PTPRR: variants seen among roughly 807,000 people sequenced by gnomAD.
PTPRR encodes receptor-type tyrosine-protein phosphatase R.
A neutral mutation model predicts 77.2 loss-of-function variants in PTPRR; 38 were observed. The observed-to-expected ratio is 0.49, with a 90% CI of 0.38 to 0.65. The LOEUF (loss-of-function observed/expected upper bound fraction) is 0.65. Ranked by LOEUF, PTPRR falls within the 30% of genes least tolerant of loss-of-function variation. PTPRR has a pLI of 0.00. For synonymous variants in PTPRR, 299 were observed against 283.1 expected (o/e 1.06, Z -0.57); for missense variants, 744 against 799.2 (o/e 0.93, Z 0.83).
intron 13 of PTPRR, among the ~76,000 whole-genome samples, chr12:70,645,862 A>C (rs993893154): frequency 1.3e-5 from 2 of 151,960 alleles, no homozygotes; most frequent in African/African-American, 4.8e-5. Context: ...TGCTACTGGG[A>C]GGGTGTTTTG....
At chr12:70,870,536 C>T (rs1892941453) in intron 2 of PTPRR, among the ~76,000 whole-genome samples, 1 of 152,228 alleles carries the variant, frequency 6.6e-6, no homozygotes, top group South Asian at 2.1e-4. Flanking sequence ...CTTTACATCT[C>T]ATTTCAATGT....
chr12:70,747,204 G>A lies in PTPRR; in HGVS notation c.739-1118C>T, dbSNP rs1484095440. 3.3e-5 allele frequency among the ~76,000 whole-genome samples: 5 copies of A among 152,028 alleles called. No individual in the cohort carries two copies. The South Asian group carries it at 6.2e-4, about 19-fold the overall frequency. Reference sequence around the variant, plus strand: ...TCTCTTCAGTTTCCATGACCTTCACGGTGTAAAAACAAAACCTGCACTAGA... The same window carrying A: ...TCTCTTCAGTTTCCATGACCTTCACAGTGTAAAAACAAAACCTGCACTAGA... On this transcript the variant is annotated intron_variant, in intron 5 of 13. Transcript: ENST00000283228.
chr12:70,711,817 T>TA (rs1888838803), intron 6 of PTPRR, among the ~76,000 whole-genome samples: 1 of 152,156 alleles, frequency 6.6e-6, no homozygotes, highest in African/African-American at 2.4e-5. Context: ...AAAAAGCAGA[T>TA]ATCTTAAGTC....
intron 2 of PTPRR, among the ~76,000 whole-genome samples, chr12:70,784,586 A>G (rs915902207): frequency 3.0e-4 from 46 of 151,840 alleles, no homozygotes; most frequent in African/African-American, 1.1e-3. Flanking sequence ...TCCTCCCAGT[A>G]CCCTCCCTGC....
intron 10 of PTPRR, among the ~76,000 whole-genome samples, chr12:70,677,226 A>T (rs1464452953): frequency 6.6e-6 from 1 of 152,176 alleles, no homozygotes; most frequent in Admixed American, 6.5e-5. Context: ...CTAGCTCACC[A>T]TTAGCATATA....
chr12:70,671,514 A>G (rs1887222831), intron 10 of PTPRR, among the ~76,000 whole-genome samples: 1 of 152,150 alleles, frequency 6.6e-6, no homozygotes, highest in South Asian at 2.1e-4. Context: ...CATTTCTCCA[A>G]TTTCTGAATT....
At chr12:70,682,289 C>T (rs951046874) in intron 10 of PTPRR, among the ~76,000 whole-genome samples, 50 of 151,498 alleles carry the variant, frequency 3.3e-4, no homozygotes, top group African/African-American at 1.1e-3. Context: ...GTGATCCGCC[C>T]GCCTCGGCCT....
At chr12:70,640,783 A>G (rs565632721) in intron 13 of PTPRR, among the ~76,000 whole-genome samples, 1 of 152,332 alleles carries the variant, frequency 6.6e-6, no homozygotes, top group African/African-American at 2.4e-5. Flanking sequence ...TTCTATGTTT[A>G]TTTGTCAATC....
At chr12:70,753,498 A>G (rs1890468389) in intron 5 of PTPRR, among the ~76,000 whole-genome samples, 1 of 152,202 alleles carries the variant, frequency 6.6e-6, no homozygotes, top group Non-Finnish European at 1.5e-5. Context: ...ATTCTACCCT[A>G]AAGATACCGT....
chr12:70,740,830 C>T (rs1469163851), intron 6 of PTPRR, among the ~76,000 whole-genome samples: 1 of 152,020 alleles, frequency 6.6e-6, no homozygotes, highest in Admixed American at 6.6e-5. Flanking sequence ...AGATTATTAC[C>T]TCACTCCAGG....
chr12:70,807,002 C>T (rs1891721928), intron 2 of PTPRR, among the ~76,000 whole-genome samples: 1 of 152,174 alleles, frequency 6.6e-6, no homozygotes, highest in Admixed American at 6.5e-5. Flanking sequence ...GGTGTGGTCA[C>T]ATAGCACAGT....
intron 1 of PTPRR, among the ~76,000 whole-genome samples, chr12:70,917,690 C>G (rs1221528986): frequency 1.3e-5 from 2 of 152,218 alleles, no homozygotes; most frequent in African/African-American, 2.4e-5. Flanking sequence ...CTTTTTCCCC[C>G]CGATGGTGTC....
At chr12:70,776,943 C>A (rs1891101173) in intron 2 of PTPRR, among the ~76,000 whole-genome samples, 1 of 151,992 alleles carries the variant, frequency 6.6e-6, no homozygotes, top group Non-Finnish European at 1.5e-5. Flanking sequence ...TGAAAATATG[C>A]TTCCCCTTCC....
intron 2 of PTPRR, among the ~76,000 whole-genome samples, chr12:70,846,480 C>T (rs1312320468): frequency 6.6e-6 from 1 of 152,078 alleles, no homozygotes; most frequent in East Asian, 1.9e-4. Flanking sequence ...AAGAAGAAAG[C>T]GTATATAGGC....
At chr12:70,829,686 T>C (rs1319823436) in intron 2 of PTPRR, among the ~76,000 whole-genome samples, 1 of 152,186 alleles carries the variant, frequency 6.6e-6, no homozygotes, top group Non-Finnish European at 1.5e-5. Flanking sequence ...ATTAGGGATA[T>C]ACCAGTTGAG....
At chr12:70,846,242 G>C (rs1892481208) in intron 2 of PTPRR, among the ~76,000 whole-genome samples, 1 of 152,214 alleles carries the variant, frequency 6.6e-6, no homozygotes, top group South Asian at 2.1e-4. Flanking sequence ...CCAGAAAAAA[G>C]CTTTAGGTTC....
chr12:70,911,360 T>A (rs1245582921), intron 1 of PTPRR, among the ~76,000 whole-genome samples: 1 of 152,146 alleles, frequency 6.6e-6, no homozygotes, highest in Non-Finnish European at 1.5e-5. Flanking sequence ...GCATCCCTCG[T>A]CCATGCTTGA....
intron 2 of PTPRR, among the ~76,000 whole-genome samples, chr12:70,889,026 C>A (rs1298431018): frequency 2.0e-5 from 3 of 152,090 alleles, no homozygotes; most frequent in Non-Finnish European, 4.4e-5. Flanking sequence ...GCTGATTGAA[C>A]CATATCTAGA....
rs1892382537 is a variant in PTPRR at position 70,840,773 on chromosome 12, T to C, written c.357+51906A>G. ...GGGAGGGGTAGGAGTTATCTTTGTG[T>C]CTCCATTTGAGCACATTAATACATC... is the stretch of plus-strand genomic sequence containing the variant. On this transcript the variant is annotated intron_variant, in intron 2 of 13. Transcript: ENST00000283228. Among the ~76,000 whole-genome samples the C allele has an allele frequency of 2.0e-5, 3 of 152,086 alleles. No individual in the cohort carries two copies. The South Asian group carries it at 6.2e-4, about 32-fold the overall frequency.
Sources: allele counts gnomAD v4.1 joint callset (sites outside exome capture counted in the v4.1 genomes callset), GRCh38; gene constraint gnomAD v4.1.1; transcripts MANE v1.5; gene names NCBI Gene and HGNC (gene_info 2026-07-23, HGNC 2026-07-21).